Variants in DENND3 observed in about 807,000 individuals in gnomAD.
DENND3 encodes the protein DENN domain-containing protein 3.
In DENND3, 88 loss-of-function variants were observed where a neutral mutation model predicts 135.1. That is an observed-to-expected ratio of 0.65 (90% CI 0.55 to 0.78). The LOEUF (loss-of-function observed/expected upper bound fraction) is 0.78, where lower values mean the gene tolerates loss of function less well. Ranked by LOEUF, DENND3 falls within the 30% of genes least tolerant of loss-of-function variation. The pLI, the probability that DENND3 is intolerant of heterozygous loss-of-function variation, is 0.00. For synonymous variants in DENND3, 693 were observed against 712.3 expected, an observed-to-expected ratio of 0.97 and a Z score of 0.43; for missense variants, 1,392 against 1,688.4, an observed-to-expected ratio of 0.82 and a Z score of 3.08.
At position 141,151,600 on chromosome 8, in the gene DENND3, C is replaced by T. The variant is rs762799948; in HGVS notation, c.856-19C>T. The stretch of plus-strand genomic sequence containing the variant: ...TTTTTTTAAAAGCATGTACTCAGTG[C>T]GGCGGGTTCTCCCCTCAGATCCTGA... On this transcript the variant is annotated intron_variant, in intron 6 of 22. Coordinates refer to ENST00000519811, the MANE Select transcript of DENND3 (RefSeq NM_001352890.3). The T allele has an allele frequency of 1.0e-5, 16 of 1,607,828 alleles. No individual in the cohort carries two copies. The highest frequency in any genetic ancestry group is 5.4e-5 in the African/African-American group (4 of 74,590).
In DENND3 at chr8:141,163,313, A is replaced by T; in HGVS notation, c.1353-20A>T. 1.4e-6 allele frequency: 2 copies of T among 1,471,414 alleles called. No homozygotes were observed. The highest frequency in any genetic ancestry group is 2.4e-5 in the South Asian group (2 of 82,960). The allele number at this position is 1,471,414 out of a possible 1,614,324, so 91.1% of individuals were successfully genotyped here. ...TATTTAAGAAAGTTTTAGCACTCAGACTCTCTTTCTCTTTGTTAGGGATGT... is the reference window on the plus strand; with the variant it reads ...TATTTAAGAAAGTTTTAGCACTCAGTCTCTCTTTCTCTTTGTTAGGGATGT... On this transcript the variant is annotated intron_variant, in intron 9 of 22. Coordinates refer to ENST00000519811, the MANE Select transcript of DENND3 (RefSeq NM_001352890.3).
chr8:141,159,310 C>T (rs886799158), intron 8 of DENND3, among the ~76,000 whole-genome samples: 6 of 152,196 alleles, frequency 3.9e-5, no homozygotes, highest in African/African-American at 1.4e-4. Context: ...GCACCCTTCC[C>T]ATCACAGAGA....
intron 9 of DENND3, among the ~76,000 whole-genome samples, chr8:141,162,817 G>A (rs1280482830): frequency 1.3e-5 from 2 of 152,254 alleles, no homozygotes; most frequent in East Asian, 1.9e-4. Flanking sequence ...GGGAGGCTGA[G>A]GCAGAAGAAT....
At chr8:141,140,801 ACACAGGC>A (rs1387928023) in intron 3 of DENND3, among the ~76,000 whole-genome samples, 1 of 152,174 alleles carries the variant, frequency 6.6e-6, no homozygotes, top group Non-Finnish European at 1.5e-5. Context: ...CGTGGCTCCC[ACACAGGC>A]TGAGGCCTCT....
chr8:141,134,127 A>G (rs1816485594), intron 1 of DENND3, among the ~76,000 whole-genome samples: 1 of 152,032 alleles, frequency 6.6e-6, no homozygotes, highest in Admixed American at 6.6e-5. Context: ...CACTCATCTC[A>G]TATGCTGCCT....
Position 141,138,096 on chromosome 8 carries a change from A to G in DENND3, c.460A>G (p.Arg154Gly), listed in dbSNP as rs747761831. The G allele has an allele frequency of 6.2e-7, 1 of 1,610,256 alleles. No homozygotes were observed. Among genetic ancestry groups the G allele is most frequent in the Non-Finnish European group, 8.5e-7 (1 of 1,178,116 alleles). ...FLVLTDVCGN[R>G]TYGVVAQYYR... Reference sequence around the variant, plus strand: ...GGTGCTGACCGATGTCTGCGGGAATAGGACCTATGGCGTGGTGGCCCAGTA... The same window carrying G: ...GGTGCTGACCGATGTCTGCGGGAATGGGACCTATGGCGTGGTGGCCCAGTA... Residue 154 changes from arginine (R) to glycine (G), a missense_variant, in exon 3 of 23, where the codon AGG (arginine) becomes GGG (glycine). Arg to Gly is a moderately radical substitution (Grantham distance 125). Transcript: ENST00000519811. This position sits in a 1 kb window ranked among gnomAD's most constrained non-coding sequence, Gnocchi z 4.8.
chr8:141,175,503 T>C lies in DENND3; in HGVS notation c.2535+44T>C. On this transcript the variant is annotated intron_variant, in intron 14 of 22. Coordinates refer to ENST00000519811, the MANE Select transcript of DENND3 (RefSeq NM_001352890.3). This position sits in a 1 kb window ranked among gnomAD's most constrained non-coding sequence, Gnocchi z 5.4. The stretch of plus-strand genomic sequence containing the variant: ...GACGGCGCCAGACCCCACCTGTGTT[T>C]AGGAGACAGATGGCTGGAGTGGGCC... The C allele has an allele frequency of 1.2e-6, 2 of 1,613,220 alleles. No individual in the cohort carries two copies.
intron 18 of DENND3, among the ~76,000 whole-genome samples, chr8:141,187,174 ATT>A (rs201749617): frequency 6.9e-6 from 1 of 145,572 alleles, no homozygotes; most frequent in African/African-American, 2.5e-5. Flanking sequence ...GCATGATAGG[ATT>A]TTTTTTTTTT....
intron 9 of DENND3, among the ~76,000 whole-genome samples, chr8:141,162,420 T>C (rs1365129188): frequency 6.6e-6 from 1 of 151,838 alleles, no homozygotes; most frequent in South Asian, 2.1e-4. Flanking sequence ...CATAGCAAGA[T>C]CCCGGCTCTT....
intron 5 of DENND3, among the ~76,000 whole-genome samples, chr8:141,145,872 G>A (rs1277826214): frequency 2.5e-5 from 3 of 121,388 alleles, no homozygotes; most frequent in Admixed American, 9.2e-5. Context: ...TTTTTGAGGC[G>A]GAGTCTTGCT....
chr8:141,129,278 T>G (rs773200649), intron 1 of DENND3, among the ~76,000 whole-genome samples: 64 of 152,228 alleles, frequency 4.2e-4, no homozygotes, highest in Non-Finnish European at 6.9e-4. Flanking sequence ...TGCTGGGATG[T>G]GTTGTCCCCT....
In DENND3 at chr8:141,195,118, A is replaced by G. The variant is rs999308404; in HGVS notation, c.*885A>G. The G allele has an allele frequency of 6.6e-6, 1 of 152,264 alleles. No homozygotes were observed. The highest frequency in any genetic ancestry group is 1.5e-5 in the Non-Finnish European group (1 of 68,072). 9.4% of individuals were successfully genotyped at this position (152,264 alleles called of 1,614,324 possible). Reference sequence around the variant, plus strand: ...CCCTGAATCCGTGTGCACACTGCGTATGTGTACGCGCAGCATGCTATACTG... The same window carrying G: ...CCCTGAATCCGTGTGCACACTGCGTGTGTGTACGCGCAGCATGCTATACTG... On this transcript the variant is annotated 3_prime_UTR_variant, in exon 23 of 23. Coordinates refer to ENST00000519811, the MANE Select transcript of DENND3 (RefSeq NM_001352890.3).
chr8:141,168,552 G>T lies in DENND3; in HGVS notation c.2275+27G>T. The stretch of plus-strand genomic sequence containing the variant: ...TAAGAGGAGGCCTGGCACCATCACA[G>T]ATTTTATTATTTAGAGACAGGGTCT... On this transcript the variant is annotated intron_variant, in intron 13 of 22. Transcript: ENST00000519811. The surrounding 1 kb of genome is among the most constrained non-coding windows in gnomAD (Gnocchi z 6.2). 6.3e-7 allele frequency: 1 copy of T among 1,577,746 alleles called. No individual in the cohort carries two copies. Among genetic ancestry groups the T allele is most frequent in the Non-Finnish European group, 8.6e-7 (1 of 1,159,146 alleles).
intron 8 of DENND3, 73 bp from the exon 9 acceptor site, chr8:141,160,559 T>C (rs1820011311): frequency 6.9e-7 from 1 of 1,444,224 alleles, no homozygotes; most frequent in South Asian, 1.5e-5. Flanking sequence ...ATTTACCTGG[T>C]GGGCTGTGTG....
chr8:141,164,189 A>G (rs982889548), intron 10 of DENND3, among the ~76,000 whole-genome samples: 8 of 152,090 alleles, frequency 5.3e-5, no homozygotes, highest in Non-Finnish European at 8.8e-5. Flanking sequence ...CCTCGGACCG[A>G]GCTGGGCTAC....
intron 22 of DENND3, 44 bp downstream of exon 22, chr8:141,192,707 C>T (rs377207051): frequency 1.9e-5 from 31 of 1,607,856 alleles, no homozygotes; most frequent in South Asian, 4.4e-5. Flanking sequence ...CGGCAGGTCT[C>T]GCTTGCCCTG....
At position 141,139,706 on chromosome 8, in the gene DENND3, C is replaced by A. The variant is rs1016394678; in HGVS notation, c.502-1497C>A. On this transcript the variant is annotated intron_variant, in intron 3 of 22. Transcript: ENST00000519811. This position sits in a 1 kb window ranked among gnomAD's most constrained non-coding sequence, Gnocchi z 4.2. ...GTTTTCGTTATCATTAAATATAATA[C>A]ATATTAAAAAAAGGAGCAGTCCCTC... Among the ~76,000 whole-genome samples the A allele has an allele frequency of 2.0e-5, 3 of 152,150 alleles. No individual in the cohort carries two copies. The highest frequency in any genetic ancestry group is 7.2e-5 in the African/African-American group (3 of 41,444).
At chr8:141,171,726 T>C (rs1290055123) in intron 13 of DENND3, among the ~76,000 whole-genome samples, 1 of 152,166 alleles carries the variant, frequency 6.6e-6, no homozygotes, top group African/African-American at 2.4e-5. Flanking sequence ...GTGTGCACAG[T>C]GGCTGTGGGT....
intron 16 of DENND3, among the ~76,000 whole-genome samples, chr8:141,179,730 T>C (rs1198387967): frequency 6.6e-6 from 1 of 152,274 alleles, no homozygotes; most frequent in Non-Finnish European, 1.5e-5. Context: ...GACCCCTTGC[T>C]GACAGTGTGA....
Sources: gnomAD v4.1 joint callset for allele counts (sites outside exome capture counted in the v4.1 genomes callset) on GRCh38, gnomAD v4.1.1 for gene constraint, Gnocchi (gnomAD v3.1) non-coding constraint, MANE v1.5 for transcripts, NCBI Gene and HGNC (gene_info 2026-07-23, HGNC 2026-07-21) for gene names.